Variants in FAM13A observed in about 807,000 individuals in gnomAD.
FAM13A encodes family with sequence similarity 13 member A.
In FAM13A, 76 loss-of-function variants were observed where a neutral mutation model predicts 129.6. That is an observed-to-expected ratio of 0.59 (90% CI 0.49 to 0.71). The LOEUF (loss-of-function observed/expected upper bound fraction) is 0.71, where lower values mean the gene tolerates loss of function less well. Ranked by LOEUF, FAM13A falls within the 30% of genes least tolerant of loss-of-function variation. The pLI is 0.00. For missense variants in FAM13A, 1,108 were observed against 1,249.3 expected (o/e 0.89, Z 1.70); for synonymous variants, 443 against 449.9 (o/e 0.98, Z 0.20).
At chr4:88,800,510 C>T (rs1029929700) in intron 8 of FAM13A, among the ~76,000 whole-genome samples, 1 of 151,884 alleles carries the variant, frequency 6.6e-6, no homozygotes, top group African/African-American at 2.4e-5. Flanking sequence ...CACAGTGAAA[C>T]CCTGTCTCTA....
chr4:89,051,575 A>C (rs866685717), intron 1 of FAM13A, among the ~76,000 whole-genome samples: 2 of 152,192 alleles, frequency 1.3e-5, no homozygotes, highest in African/African-American at 4.8e-5. Context: ...GCATCAACTC[A>C]AAAGTCTAAC....
At chr4:88,849,461 G>A (rs1390649373) in intron 7 of FAM13A, among the ~76,000 whole-genome samples, 2 of 152,120 alleles carry the variant, frequency 1.3e-5, no homozygotes, top group African/African-American at 4.8e-5. Context: ...TTTTGCATTT[G>A]CTATTATCTC....
intron 7 of FAM13A, among the ~76,000 whole-genome samples, chr4:88,831,078 T>C (rs2149881298): frequency 6.6e-6 from 1 of 152,300 alleles, no homozygotes; most frequent in East Asian, 1.9e-4. Flanking sequence ...AGACAACTTA[T>C]GTAATTGTTC....
chr4:88,889,549 C>G (rs917825795), intron 6 of FAM13A, among the ~76,000 whole-genome samples: 4 of 152,102 alleles, frequency 2.6e-5, no homozygotes, highest in Admixed American at 1.3e-4. Flanking sequence ...ACTATGTATT[C>G]ATCAACTCCT....
At chr4:88,858,674 A>C (rs1004708513) in intron 6 of FAM13A, among the ~76,000 whole-genome samples, 1 of 152,224 alleles carries the variant, frequency 6.6e-6, no homozygotes, top group Non-Finnish European at 1.5e-5. Context: ...ATTGGCAGGA[A>C]ATGTCTAGAA....
intron 19 of FAM13A, among the ~76,000 whole-genome samples, chr4:88,742,531 C>T (rs150761435): frequency 6.6e-5 from 10 of 152,244 alleles, no homozygotes; most frequent in Non-Finnish European, 1.0e-4. Flanking sequence ...GTAAGAATAA[C>T]GACCTGATTT....
chr4:88,851,222 T>C (rs762747551), intron 6 of FAM13A, 39 bp from the exon 7 acceptor site: 1 of 1,493,104 alleles, frequency 6.7e-7, no homozygotes, highest in South Asian at 1.4e-5. Flanking sequence ...GAGAGCTAGA[T>C]AAATGTTAAA....
At chr4:88,797,726 T>C (rs1726517344) in intron 8 of FAM13A, among the ~76,000 whole-genome samples, 1 of 152,166 alleles carries the variant, frequency 6.6e-6, no homozygotes, top group African/African-American at 2.4e-5. Context: ...GGGTTGTTTT[T>C]CCCTCCTCAT....
chr4:88,876,207 G>A (rs537066991), intron 6 of FAM13A, among the ~76,000 whole-genome samples: 2 of 152,168 alleles, frequency 1.3e-5, no homozygotes, highest in African/African-American at 2.4e-5. Flanking sequence ...GAGTTAATGG[G>A]TGCAGCACAC....
In FAM13A at chr4:88,914,027, T is replaced by C. The variant is rs983962007; in HGVS notation, c.760-7565A>G. ...CAAAAAAAAAAGAAAAAAAAAAAAC[T>C]GTCAGTCTTTGAGTCTTCCTTAAAT... On this transcript the variant is annotated intron_variant, in intron 5 of 23. Coordinates refer to ENST00000264344, the MANE Select transcript of FAM13A (RefSeq NM_014883.4). 2.7e-5 allele frequency among the ~76,000 whole-genome samples: 4 copies of C among 149,228 alleles called. 1 individual carries two copies. Among genetic ancestry groups the C allele is most frequent in the Admixed American group, 2.7e-4 (4 of 15,022 alleles).
chr4:88,793,378 G>A (rs1428964103), intron 8 of FAM13A, among the ~76,000 whole-genome samples: 1 of 151,846 alleles, frequency 6.6e-6, no homozygotes, highest in African/African-American at 2.4e-5. Flanking sequence ...ATAAAACCAA[G>A]TAATTAAATC....
intron 6 of FAM13A, among the ~76,000 whole-genome samples, chr4:88,888,702 G>A (rs1423345308): frequency 2.0e-5 from 3 of 151,674 alleles, no homozygotes; most frequent in Admixed American, 6.6e-5. Context: ...GAGGCGGGCG[G>A]ATCAACGGGT....
At chr4:88,801,284 C>T (rs1214420216) in intron 8 of FAM13A, among the ~76,000 whole-genome samples, 13 of 152,074 alleles carry the variant, frequency 8.5e-5, no homozygotes, top group Admixed American at 8.5e-4. Context: ...ATCGATAGTT[C>T]CCAGGCTCTA....
chr4:89,036,118 A>G (rs1410794249), intron 1 of FAM13A, among the ~76,000 whole-genome samples: 1 of 152,238 alleles, frequency 6.6e-6, no homozygotes, highest in African/African-American at 2.4e-5. Flanking sequence ...TGGAGGGCAC[A>G]GAAGAAAAAA....
chr4:88,771,520 C>T (rs1720672591), intron 11 of FAM13A, among the ~76,000 whole-genome samples: 2 of 152,088 alleles, frequency 1.3e-5, no homozygotes, highest in Admixed American at 1.3e-4. Flanking sequence ...ACATCCCTAC[C>T]AGGCGTAGTA....
chr4:88,895,124 C>T (rs1308272035), intron 6 of FAM13A, among the ~76,000 whole-genome samples: 1 of 151,978 alleles, frequency 6.6e-6, no homozygotes, highest in Non-Finnish European at 1.5e-5. Flanking sequence ...TAGTACAATG[C>T]TTGGCACTTG....
rs145348721 is a variant in FAM13A, at chr4:88,740,457, T to C, written c.2467-1332A>G. On this transcript the variant is annotated intron_variant, in intron 19 of 23. Coordinates refer to ENST00000264344, the MANE Select transcript of FAM13A (RefSeq NM_014883.4). ...ATCAGTCAAATGAGTGAATAAATAT[T>C]TGAAACATAAATAGGTGTGCCTGAT... Among the ~76,000 whole-genome samples the C allele has an allele frequency of 4.4e-3, 672 of 152,358 alleles. 10 individuals are homozygous for C. The highest frequency in any genetic ancestry group is 0.015 in the African/African-American group (639 of 41,586).
chr4:88,910,939 C>T (rs191702171), intron 5 of FAM13A, among the ~76,000 whole-genome samples: 8 of 152,284 alleles, frequency 5.3e-5, no homozygotes, highest in East Asian at 3.9e-4. Context: ...TGAGCCACCA[C>T]GCCCAGCTGC....
intron 1 of FAM13A, among the ~76,000 whole-genome samples, chr4:89,045,208 G>A (rs568883221): frequency 4.0e-5 from 6 of 151,066 alleles, no homozygotes; most frequent in Non-Finnish European, 8.9e-5. Flanking sequence ...GGAGACTGGT[G>A]GAACTCAGGA....
Sources: allele counts gnomAD v4.1 joint callset (sites outside exome capture counted in the v4.1 genomes callset), GRCh38; gene constraint gnomAD v4.1.1; transcripts MANE v1.5; gene names NCBI Gene and HGNC (gene_info 2026-07-23, HGNC 2026-07-21).